GRIK4: variants seen among roughly 807,000 people sequenced by gnomAD.
GRIK4 encodes the protein glutamate receptor ionotropic, kainate 4.
GRIK4 carries 40 observed loss-of-function variants against 104.9 expected under a neutral mutation model. The ratio of observed to expected loss-of-function variants is 0.38; its 90% confidence interval spans 0.30 to 0.50. The LOEUF is 0.50. Ranked by LOEUF, GRIK4 falls within the 20% of genes least tolerant of loss-of-function variation. The probability of loss-of-function intolerance (pLI) is 0.93; values close to 1 mark genes in which losing one functional copy is unlikely to be tolerated. For synonymous variants in GRIK4, 485 were observed against 524.9 expected, an observed-to-expected ratio of 0.92 and a Z score of 1.04; for missense variants, 1,047 against 1,308.1, an observed-to-expected ratio of 0.80 and a Z score of 3.08.
At chr11:120,883,162 T>A (rs1347419167) in intron 11 of GRIK4, among the ~76,000 whole-genome samples, 1 of 152,122 alleles carries the variant, frequency 6.6e-6, no homozygotes, top group Non-Finnish European at 1.5e-5. Flanking sequence ...GACTGGTGTG[T>A]GCACAGCCCA....
intron 8 of GRIK4, among the ~76,000 whole-genome samples, chr11:120,838,617 C>T (rs983925173): frequency 6.6e-6 from 1 of 152,172 alleles, no homozygotes; most frequent in Admixed American, 6.5e-5. Context: ...CAAAAATCTG[C>T]CAGTAAGAGA....
chr11:120,929,578 T>G (rs1488930163), intron 13 of GRIK4, among the ~76,000 whole-genome samples: 2 of 152,292 alleles, frequency 1.3e-5, no homozygotes, highest in Middle Eastern at 3.4e-3. Context: ...ACAAAAGGAC[T>G]GGGGCCTGGG....
At chr11:120,936,452 G>C (rs967641914) in intron 13 of GRIK4, 5 of 224,634 alleles carry the variant, frequency 2.2e-5, no homozygotes, top group Non-Finnish European at 4.5e-5. Context: ...TTCATAACAG[G>C]TCTTTTCCAC....
chr11:120,900,319 C>T (rs117529506), intron 12 of GRIK4, among the ~76,000 whole-genome samples: 1,597 of 152,308 alleles, frequency 0.01, 14 homozygotes, highest in Non-Finnish European at 0.017. Context: ...AGCTTAGGAA[C>T]TTGAATGCCA....
intron 1 of GRIK4, among the ~76,000 whole-genome samples, chr11:120,590,027 G>A (rs1948715658): frequency 6.6e-6 from 1 of 152,316 alleles, no homozygotes; most frequent in South Asian, 2.1e-4. Context: ...CATCCTGCTG[G>A]TTCAAGGACA....
At chr11:120,966,045 G>A (rs12800734) in intron 18 of GRIK4, among the ~76,000 whole-genome samples, 82,109 of 151,990 alleles carry the variant, frequency 0.54, 22,703 homozygotes, top group Middle Eastern at 0.64. Context: ...TGAGCTTTCC[G>A]TGGTTTCACT....
intron 1 of GRIK4, among the ~76,000 whole-genome samples, chr11:120,591,656 A>G (rs1565564104): frequency 6.6e-6 from 1 of 152,100 alleles, no homozygotes; most frequent in Non-Finnish European, 1.5e-5. Context: ...AGTCAGTACT[A>G]GGGATGAATG....
At chr11:120,684,353 G>A (rs746890361) in intron 3 of GRIK4, among the ~76,000 whole-genome samples, 6 of 152,120 alleles carry the variant, frequency 3.9e-5, no homozygotes, top group Admixed American at 2.6e-4. Flanking sequence ...AAATCAAAGC[G>A]AAACAAATGG....
intron 3 of GRIK4, among the ~76,000 whole-genome samples, chr11:120,701,728 T>C (rs1191136422): frequency 6.6e-6 from 1 of 152,180 alleles, no homozygotes; most frequent in Non-Finnish European, 1.5e-5. Context: ...AAGGGATCAC[T>C]CCAGTTGCTG....
intron 13 of GRIK4, among the ~76,000 whole-genome samples, chr11:120,927,655 A>G (rs1943383002): frequency 6.6e-6 from 1 of 152,026 alleles, no homozygotes; most frequent in African/African-American, 2.4e-5. Flanking sequence ...GAAATGTAAT[A>G]TTTCCTTCAA....
intron 6 of GRIK4, among the ~76,000 whole-genome samples, chr11:120,823,888 C>T (rs532311192): frequency 1.3e-5 from 2 of 152,340 alleles, no homozygotes; most frequent in Admixed American, 1.3e-4. Context: ...AGTCCCCACC[C>T]TCCAGGGCCA....
chr11:120,954,676 C>A (rs1944092837), intron 15 of GRIK4, among the ~76,000 whole-genome samples: 1 of 151,918 alleles, frequency 6.6e-6, no homozygotes, highest in Admixed American at 6.6e-5. Context: ...CGCTGCCCCT[C>A]CTCCCTCCCC....
intron 1 of GRIK4, among the ~76,000 whole-genome samples, chr11:120,535,905 T>C (rs1947968893): frequency 6.6e-6 from 1 of 152,184 alleles, no homozygotes; most frequent in Non-Finnish European, 1.5e-5. Flanking sequence ...CCAGGGTAGG[T>C]ATACACGTGC....
chr11:120,654,491 T>C, intron 2 of GRIK4, among the ~76,000 whole-genome samples: 1 of 151,998 alleles, frequency 6.6e-6, no homozygotes, highest in East Asian at 1.9e-4. Flanking sequence ...GCCTCCCGAG[T>C]AGCTGGGATT....
intron 1 of GRIK4, among the ~76,000 whole-genome samples, chr11:120,591,521 A>T (rs1376816241): frequency 2.6e-5 from 4 of 152,080 alleles, no homozygotes; most frequent in Non-Finnish European, 4.4e-5. Context: ...TTTAATGTAA[A>T]AGCGTGTTGT....
At chr11:120,785,255 T>A (rs544300034) in intron 3 of GRIK4, among the ~76,000 whole-genome samples, 1 of 152,356 alleles carries the variant, frequency 6.6e-6, no homozygotes, top group Non-Finnish European at 1.5e-5. Flanking sequence ...GCATCTGGGC[T>A]GGCCAGTGCT....
chr11:120,515,803 A>T (rs1401719296), intron 1 of GRIK4, among the ~76,000 whole-genome samples: 1 of 152,244 alleles, frequency 6.6e-6, no homozygotes, highest in Non-Finnish European at 1.5e-5. Flanking sequence ...TATGAACAAA[A>T]AACTTATGCC....
At chr11:120,583,774 A>G (rs1948619786) in intron 1 of GRIK4, among the ~76,000 whole-genome samples, 1 of 152,212 alleles carries the variant, frequency 6.6e-6, no homozygotes, top group African/African-American at 2.4e-5. Context: ...TTTGATAGGG[A>G]TAGCATTGAA....
At chr11:120,677,586 T>C (rs1446806368) in intron 3 of GRIK4, among the ~76,000 whole-genome samples, 2 of 152,216 alleles carry the variant, frequency 1.3e-5, no homozygotes, top group Admixed American at 6.5e-5. Flanking sequence ...GGATATTTTG[T>C]TGGTACATGT....
Sources: gnomAD v4.1 joint callset for allele counts (sites outside exome capture counted in the v4.1 genomes callset) on GRCh38, gnomAD v4.1.1 for gene constraint, MANE v1.5 for transcripts, NCBI Gene and HGNC (gene_info 2026-07-23, HGNC 2026-07-21) for gene names.